ULK4: variants seen among roughly 807,000 people sequenced by gnomAD.
The protein encoded by ULK4 is unc-51 like kinase 4, also known as inactive serine/threonine-protein kinase ULK4.
A neutral mutation model predicts 160.6 loss-of-function variants in ULK4; 133 were observed. The observed-to-expected ratio is 0.83, with a 90% CI of 0.72 to 0.96. The LOEUF is 0.96. Among genes scored for constraint, ULK4 ranks in the 40% least tolerant of loss-of-function variants. The pLI is 0.00. For synonymous variants in ULK4, 534 were observed against 539.8 expected, an observed-to-expected ratio of 0.99 and a Z score of 0.15; for missense variants, 1,580 against 1,499.5, an observed-to-expected ratio of 1.05 and a Z score of -0.89.
At chr3:41,733,629 T>C (rs2037910898) in intron 22 of ULK4, among the ~76,000 whole-genome samples, 1 of 151,892 alleles carries the variant, frequency 6.6e-6, no homozygotes, top group Non-Finnish European at 1.5e-5. Context: ...TTTATATAAT[T>C]ACCATGTTTT....
chr3:41,248,763 GA>G (rs1262576742), intron 36 of ULK4, among the ~76,000 whole-genome samples: 1 of 152,240 alleles, frequency 6.6e-6, no homozygotes, highest in Non-Finnish European at 1.5e-5. Context: ...CCAGGGTGGG[GA>G]AATGTTCCAC....
intron 14 of ULK4, among the ~76,000 whole-genome samples, chr3:41,898,006 CCA>C (rs1275726891): frequency 2.0e-5 from 3 of 152,186 alleles, no homozygotes; most frequent in Admixed American, 6.5e-5. Context: ...CACACCACCT[CCA>C]CAGTCATGAA....
chr3:41,922,619 G>A (rs1699230790), intron 5 of ULK4, among the ~76,000 whole-genome samples: 1 of 151,330 alleles, frequency 6.6e-6, no homozygotes, highest in South Asian at 2.1e-4. Context: ...GGGGTGAGGG[G>A]GGTGGCAAGG....
rs145031916 is a variant in ULK4, at chr3:41,637,164, A to T, written c.3072-21447T>A. On this transcript the variant is annotated intron_variant, in intron 30 of 36. Coordinates refer to ENST00000301831, the MANE Select transcript of ULK4 (RefSeq NM_017886.4). ...GGTTGGACATTACATCCTAACTGAAATTTTTTAGCTTTTGACCAGCATCTC... is the reference window on the plus strand; with the variant it reads ...GGTTGGACATTACATCCTAACTGAATTTTTTTAGCTTTTGACCAGCATCTC... 2.0e-5 allele frequency among the ~76,000 whole-genome samples: 3 copies of T among 152,208 alleles called. No homozygotes were observed. In the East Asian group the frequency reaches 5.8e-4, roughly 29 times the overall value.
intron 22 of ULK4, among the ~76,000 whole-genome samples, chr3:41,746,998 C>G (rs555380274): frequency 6.6e-6 from 1 of 151,846 alleles, no homozygotes; most frequent in African/African-American, 2.4e-5. Context: ...ATACTTTATG[C>G]GTAAAATTAA....
intron 16 of ULK4, among the ~76,000 whole-genome samples, chr3:41,887,874 A>G (rs1697781395): frequency 1.3e-5 from 2 of 152,052 alleles, no homozygotes; most frequent in African/African-American, 4.8e-5. Context: ...TAAAAAATGA[A>G]AACTTTGGCC....
intron 31 of ULK4, among the ~76,000 whole-genome samples, chr3:41,578,906 T>C (rs1370178368): frequency 6.6e-6 from 1 of 152,208 alleles, no homozygotes; most frequent in Non-Finnish European, 1.5e-5. Flanking sequence ...GCTTAATTTC[T>C]TCAGTCAAGC....
intron 22 of ULK4, among the ~76,000 whole-genome samples, chr3:41,724,976 T>C (rs1001116242): frequency 5.9e-5 from 9 of 152,216 alleles, no homozygotes; most frequent in Non-Finnish European, 1.3e-4. Flanking sequence ...CCTCTTTTCC[T>C]TGATGAAGTA....
rs185945939 is a variant in ULK4, at chr3:41,765,503, A to G, written c.2194-11015T>C. ...GCACACCAACATAGCACATGTATACATATGTAACAAACCTGCAGGTTGTGC... is the reference window on the plus strand; with the variant it reads ...GCACACCAACATAGCACATGTATACGTATGTAACAAACCTGCAGGTTGTGC... On this transcript the variant is annotated intron_variant, in intron 21 of 36. Transcript: ENST00000301831. 2.4e-3 allele frequency among the ~76,000 whole-genome samples: 371 copies of G among 152,264 alleles called. 1 individual carries two copies. Among genetic ancestry groups the G allele is most frequent in the African/African-American group, 7.9e-3 (330 of 41,566 alleles).
chr3:41,932,563 G>A (rs1413917501), intron 4 of ULK4, among the ~76,000 whole-genome samples: 1 of 152,208 alleles, frequency 6.6e-6, no homozygotes, highest in South Asian at 2.1e-4. Context: ...TCGAAGTTAT[G>A]CAAGTAAAGG....
chr3:41,558,153 A>AT (rs2087375572), intron 32 of ULK4, among the ~76,000 whole-genome samples: 3 of 152,168 alleles, frequency 2.0e-5, no homozygotes, highest in Admixed American at 2.0e-4. Flanking sequence ...GAAAGGATAC[A>AT]TGTATAAAAC....
chr3:41,547,609 G>A (rs1374346439), intron 32 of ULK4, among the ~76,000 whole-genome samples: 1 of 152,098 alleles, frequency 6.6e-6, no homozygotes. Flanking sequence ...CTCCAGACAG[G>A]GATTTCACAC....
intron 31 of ULK4, among the ~76,000 whole-genome samples, chr3:41,603,816 T>C (rs1425623563): frequency 6.6e-6 from 1 of 152,140 alleles, no homozygotes; most frequent in Non-Finnish European, 1.5e-5. Flanking sequence ...AAGAAAGCGT[T>C]AACAGATAAT....
At chr3:41,547,038 T>G (rs2086888278) in intron 32 of ULK4, among the ~76,000 whole-genome samples, 1 of 152,184 alleles carries the variant, frequency 6.6e-6, no homozygotes, top group South Asian at 2.1e-4. Context: ...TTTGTTGAGT[T>G]TTACTGTCAC....
chr3:41,765,301 C>T (rs2125912176), intron 21 of ULK4, among the ~76,000 whole-genome samples: 1 of 152,160 alleles, frequency 6.6e-6, no homozygotes, highest in East Asian at 1.9e-4. Flanking sequence ...GGCAAACTAT[C>T]ACAAGGACAG....
At chr3:41,947,127 A>T (rs549827637) in intron 2 of ULK4, among the ~76,000 whole-genome samples, 1 of 152,290 alleles carries the variant, frequency 6.6e-6, no homozygotes, top group South Asian at 2.1e-4. Flanking sequence ...GGAGATCGAG[A>T]CCATCCTGGC....
chr3:41,748,114 T>C (rs2038479733), intron 22 of ULK4, among the ~76,000 whole-genome samples: 1 of 151,770 alleles, frequency 6.6e-6, no homozygotes, highest in South Asian at 2.1e-4. Flanking sequence ...ATTAGCATAA[T>C]TGTTAGTTTT....
At chr3:41,430,208 TAACA>T (rs1166053961) in intron 34 of ULK4, among the ~76,000 whole-genome samples, 1 of 152,162 alleles carries the variant, frequency 6.6e-6, no homozygotes, top group Non-Finnish European at 1.5e-5. Context: ...AGTAGAAACT[TAACA>T]AACTAGGCAA....
intron 34 of ULK4, among the ~76,000 whole-genome samples, chr3:41,411,528 A>G (rs903955602): frequency 6.6e-6 from 1 of 151,536 alleles, no homozygotes; most frequent in African/African-American, 2.4e-5. Flanking sequence ...CCGGGGTTCA[A>G]GTGATTCTCC....
Sources: allele counts gnomAD v4.1 joint callset (sites outside exome capture counted in the v4.1 genomes callset), GRCh38; gene constraint gnomAD v4.1.1; transcripts MANE v1.5; gene names NCBI Gene and HGNC (gene_info 2026-07-23, HGNC 2026-07-21).